Variants in CDH12 observed in about 807,000 individuals in gnomAD.
CDH12 encodes the protein cadherin-12.
In CDH12, 41 loss-of-function variants were observed where a neutral mutation model predicts 74.1. The ratio of observed to expected loss-of-function variants is 0.55; its 90% CI spans 0.43 to 0.72. The LOEUF is 0.72. Among genes scored for constraint, CDH12 ranks in the 30% least tolerant of loss-of-function variants. The probability of loss-of-function intolerance (pLI) is 0.00; values close to 1 mark genes in which losing one functional copy is unlikely to be tolerated. For synonymous variants in CDH12, 399 were observed against 355.0 expected, an observed-to-expected ratio of 1.12 and a Z score of -1.39; for missense variants, 945 against 977.2, an observed-to-expected ratio of 0.97 and a Z score of 0.44.
At chr5:22,559,668 C>T (rs1738956111) in intron 1 of CDH12, among the ~76,000 whole-genome samples, 2 of 152,062 alleles carry the variant, frequency 1.3e-5, no homozygotes, top group African/African-American at 4.8e-5. Context: ...CTGAGTACTT[C>T]TTCAAATTTT....
intron 1 of CDH12, among the ~76,000 whole-genome samples, chr5:22,546,389 T>A (rs1487214105): frequency 6.6e-6 from 1 of 152,032 alleles, no homozygotes; most frequent in Middle Eastern, 3.2e-3. Context: ...GCGAAAAAAA[T>A]GAGAGATGTC....
chr5:21,948,331 A>T lies in CDH12; in HGVS notation c.526+26760T>A, dbSNP rs542433389. Among the ~76,000 whole-genome samples the T allele has an allele frequency of 3.9e-5, 6 of 152,292 alleles. No homozygotes were observed. The South Asian group carries it at 1.2e-3, about 32-fold the overall frequency. On this transcript the variant is annotated intron_variant, in intron 6 of 14. Transcript: ENST00000382254. ...TGAAGGAACTGCCCAAGGCCATGGGAGCCCACCCCTTGCATTAACATGCCC... is the reference window on the plus strand; with the variant it reads ...TGAAGGAACTGCCCAAGGCCATGGGTGCCCACCCCTTGCATTAACATGCCC...
intron 5 of CDH12, among the ~76,000 whole-genome samples, chr5:22,064,629 G>A (rs1580192927): frequency 6.6e-6 from 1 of 152,136 alleles, no homozygotes; most frequent in African/African-American, 2.4e-5. Context: ...AGCATCTGAA[G>A]CTCATAACAT....
intron 1 of CDH12, among the ~76,000 whole-genome samples, chr5:22,523,060 TC>T (rs1431713506): frequency 2.0e-5 from 3 of 152,164 alleles, no homozygotes; most frequent in Admixed American, 2.0e-4. Context: ...TCTGGAGAAA[TC>T]CCTCCTGGTT....
At chr5:22,529,875 A>G (rs565103709) in intron 1 of CDH12, among the ~76,000 whole-genome samples, 1 of 152,282 alleles carries the variant, frequency 6.6e-6, no homozygotes, top group South Asian at 2.1e-4. Flanking sequence ...GTTCAGCATG[A>G]ATGGACCCTC....
intron 14 of CDH12, among the ~76,000 whole-genome samples, chr5:21,753,180 C>T (rs2149859777): frequency 6.6e-6 from 1 of 152,226 alleles, no homozygotes; most frequent in South Asian, 2.1e-4. Context: ...GTTTGATTTA[C>T]CAGAGCAGAG....
At chr5:22,763,917 A>G (rs1431414683) in intron 1 of CDH12, among the ~76,000 whole-genome samples, 1 of 151,940 alleles carries the variant, frequency 6.6e-6, no homozygotes, top group Non-Finnish European at 1.5e-5. Flanking sequence ...CAGTTCCCCT[A>G]TGCAGTAATT....
At chr5:22,458,649 T>G (rs2126579397) in intron 2 of CDH12, among the ~76,000 whole-genome samples, 1 of 152,324 alleles carries the variant, frequency 6.6e-6, no homozygotes, top group South Asian at 2.1e-4. Context: ...ATCACAAAAT[T>G]GATATGCTTT....
chr5:21,894,959 C>T (rs929027412), intron 6 of CDH12, among the ~76,000 whole-genome samples: 1 of 150,630 alleles, frequency 6.6e-6, no homozygotes, highest in Non-Finnish European at 1.5e-5. Flanking sequence ...AGGGAAATTA[C>T]TTTTAACTGC....
chr5:22,797,017 G>A (rs1216330813), intron 1 of CDH12, among the ~76,000 whole-genome samples: 2 of 151,980 alleles, frequency 1.3e-5, no homozygotes, highest in Non-Finnish European at 2.9e-5. Context: ...TAGAAAGCAA[G>A]GGAAGCCTAA....
At chr5:22,628,201 C>A (rs1196973516) in intron 1 of CDH12, among the ~76,000 whole-genome samples, 1 of 151,930 alleles carries the variant, frequency 6.6e-6, no homozygotes, top group Non-Finnish European at 1.5e-5. Context: ...ACCATCAAGG[C>A]ATAAAACTAG....
intron 4 of CDH12, among the ~76,000 whole-genome samples, chr5:22,144,904 T>C (rs559332653): frequency 6.6e-6 from 1 of 152,132 alleles, no homozygotes; most frequent in Non-Finnish European, 1.5e-5. Context: ...ATAGACTATA[T>C]ATATTCTGTA....
At chr5:22,409,906 C>T (rs1386090220) in intron 2 of CDH12, among the ~76,000 whole-genome samples, 1 of 151,964 alleles carries the variant, frequency 6.6e-6, no homozygotes, top group Non-Finnish European at 1.5e-5. Context: ...TTATTTACAG[C>T]TCGAAGATAA....
chr5:22,233,088 T>C (rs1387574263), intron 3 of CDH12, among the ~76,000 whole-genome samples: 1 of 151,370 alleles, frequency 6.6e-6, no homozygotes, highest in Non-Finnish European at 1.5e-5. Context: ...TTTTAAAAGA[T>C]TACTTTTAAT....
intron 2 of CDH12, among the ~76,000 whole-genome samples, chr5:22,483,748 C>CTATATATATATATATATATATATATA (rs573933210): frequency 0.033 from 747 of 22,742 alleles, 247 homozygotes; most frequent in Admixed American, 0.09. Flanking sequence ...TCTTTCAAAA[C>CTATATATATATATATATATATATATA]TATATATATA....
At chr5:21,879,480 A>G (rs1443243063) in intron 6 of CDH12, among the ~76,000 whole-genome samples, 1 of 152,174 alleles carries the variant, frequency 6.6e-6, no homozygotes, top group African/African-American at 2.4e-5. Context: ...TGCTACTTTA[A>G]AGTGTGTATT....
chr5:22,806,497 C>T (rs1483736578), intron 1 of CDH12, among the ~76,000 whole-genome samples: 5 of 151,826 alleles, frequency 3.3e-5, no homozygotes, highest in African/African-American at 1.2e-4. Flanking sequence ...GGACTACAGG[C>T]GCCCGCCATC....
At chr5:22,659,905 T>G (rs1740257999) in intron 1 of CDH12, among the ~76,000 whole-genome samples, 1 of 152,126 alleles carries the variant, frequency 6.6e-6, no homozygotes, top group Non-Finnish European at 1.5e-5. Context: ...ATCAGGAAAT[T>G]TAACATATAT....
At chr5:22,485,554 C>T in intron 2 of CDH12, among the ~76,000 whole-genome samples, 1 of 152,230 alleles carries the variant, frequency 6.6e-6, no homozygotes, top group South Asian at 2.1e-4. Flanking sequence ...AAAGTTAAAT[C>T]ATTTGGATTT....
Sources: gnomAD v4.1 joint callset for allele counts (sites outside exome capture counted in the v4.1 genomes callset) on GRCh38, gnomAD v4.1.1 for gene constraint, MANE v1.5 for transcripts, NCBI Gene and HGNC (gene_info 2026-07-23, HGNC 2026-07-21) for gene names.